GALNTL6: variants seen among roughly 807,000 people sequenced by gnomAD.
The protein encoded by GALNTL6 is polypeptide N-acetylgalactosaminyltransferase-like 6.
A neutral mutation model predicts 73.7 loss-of-function variants in GALNTL6; 46 were observed. The ratio of observed to expected loss-of-function variants is 0.62; its 90% CI spans 0.49 to 0.80. The LOEUF (loss-of-function observed/expected upper bound fraction) is 0.80. GALNTL6 is among the 30% of genes least tolerant of loss of function. The pLI is 0.00. For missense variants in GALNTL6, 604 were observed against 755.0 expected (o/e 0.80, Z 2.34); for synonymous variants, 259 against 263.7 (o/e 0.98, Z 0.17).
intron 5 of GALNTL6, among the ~76,000 whole-genome samples, chr4:172,642,659 A>G (rs929370515): frequency 1.3e-5 from 2 of 151,950 alleles, no homozygotes; most frequent in Non-Finnish European, 2.9e-5. Context: ...ATGGTCACTA[A>G]AGTTAATAAC....
rs576020587 is a variant in GALNTL6 at position 172,978,530 on chromosome 4, G to A, written c.1371+26272G>A. 4.0e-4 allele frequency among the ~76,000 whole-genome samples: 61 copies of A among 152,276 alleles called. 1 individual carries two copies. Among genetic ancestry groups the A allele is most frequent in the African/African-American group, 1.4e-3 (58 of 41,554 alleles). On this transcript the variant is annotated intron_variant, in intron 10 of 12. Coordinates refer to ENST00000506823, the MANE Select transcript of GALNTL6 (RefSeq NM_001034845.3). ...GACTGCAACAGAGTTGAAATGCGTT[G>A]TTCTTCAGTAGTCTCAGCCTGTGCA...
intron 5 of GALNTL6, among the ~76,000 whole-genome samples, chr4:172,556,680 A>G (rs546447779): frequency 1.3e-5 from 2 of 151,966 alleles, no homozygotes; most frequent in East Asian, 3.9e-4. Context: ...TGTTTTCTGC[A>G]TTATAGAAAC....
intron 2 of GALNTL6, among the ~76,000 whole-genome samples, chr4:171,946,542 C>T (rs1456291176): frequency 1.3e-5 from 2 of 152,188 alleles, no homozygotes; most frequent in African/African-American, 2.4e-5. Flanking sequence ...GCACAGTAGG[C>T]ATTCAGTAAG....
At chr4:171,983,667 TAA>T (rs1739983013) in intron 2 of GALNTL6, among the ~76,000 whole-genome samples, 1 of 152,000 alleles carries the variant, frequency 6.6e-6, no homozygotes, top group African/African-American at 2.4e-5. Flanking sequence ...TTGAAATTCT[TAA>T]TAATGCTCTC....
At chr4:173,009,110 T>C (rs1258791892) in intron 10 of GALNTL6, 68 bp from the exon 11 acceptor site, 3 of 997,258 alleles carry the variant, frequency 3.0e-6, no homozygotes, top group Non-Finnish European at 4.8e-6. Flanking sequence ...ATCTACACCA[T>C]GGTTGTTAGG....
intron 5 of GALNTL6, among the ~76,000 whole-genome samples, chr4:172,517,486 G>T (rs1431707797): frequency 6.6e-6 from 1 of 152,060 alleles, no homozygotes; most frequent in Admixed American, 6.6e-5. Context: ...ATTAAAACGT[G>T]GAGTAGCTGG....
chr4:172,298,739 C>G (rs1739783896), intron 3 of GALNTL6, among the ~76,000 whole-genome samples: 2 of 152,226 alleles, frequency 1.3e-5, no homozygotes, highest in South Asian at 4.2e-4. Context: ...GGTGGATAAG[C>G]TTTTTGATGT....
intron 2 of GALNTL6, among the ~76,000 whole-genome samples, chr4:172,176,261 A>G (rs1044505045): frequency 7.3e-6 from 1 of 136,664 alleles, no homozygotes; most frequent in East Asian, 2.7e-4. Flanking sequence ...AATGGCGTGA[A>G]CCTGCGAGGC....
intron 2 of GALNTL6, among the ~76,000 whole-genome samples, chr4:171,904,613 G>A (rs1381726016): frequency 2.6e-5 from 4 of 152,096 alleles, no homozygotes; most frequent in Admixed American, 2.6e-4. Flanking sequence ...AGCAAGGCAG[G>A]CCAACATTCA....
chr4:172,207,673 G>A (rs997900364), intron 2 of GALNTL6, among the ~76,000 whole-genome samples: 1 of 152,100 alleles, frequency 6.6e-6, no homozygotes, highest in Non-Finnish European at 1.5e-5. Context: ...TAAACGCTTG[G>A]TTCTCTCTGT....
chr4:172,411,348 C>T (rs1208689038), intron 5 of GALNTL6, among the ~76,000 whole-genome samples: 1 of 151,968 alleles, frequency 6.6e-6, no homozygotes, highest in South Asian at 2.1e-4. Flanking sequence ...GCCACTAATG[C>T]AGAGTTTGAG....
intron 5 of GALNTL6, among the ~76,000 whole-genome samples, chr4:172,387,134 C>G (rs973759388): frequency 1.3e-5 from 2 of 152,130 alleles, no homozygotes; most frequent in East Asian, 3.9e-4. Flanking sequence ...CCCAAAGGGC[C>G]CACCTCCAAA....
chr4:171,962,470 G>A (rs551027514), intron 2 of GALNTL6, among the ~76,000 whole-genome samples: 46 of 152,142 alleles, frequency 3.0e-4, no homozygotes, highest in South Asian at 2.5e-3. Context: ...ACTCATTATC[G>A]ACTAATTATA....
intron 2 of GALNTL6, among the ~76,000 whole-genome samples, chr4:171,956,009 T>TG (rs10690799): frequency 1.4e-5 from 2 of 144,096 alleles, no homozygotes; most frequent in African/African-American, 2.5e-5. Context: ...TGTGTGTGTG[T>TG]GTGTGGGACA....
Position 172,809,206 on chromosome 4 carries a change from A to G in GALNTL6, c.554-155A>G, listed in dbSNP as rs962501547. On this transcript the variant is annotated intron_variant, in intron 5 of 12. Transcript: ENST00000506823. The surrounding 1 kb of genome is among the most constrained non-coding windows in gnomAD (Gnocchi z 4.4). The stretch of plus-strand genomic sequence containing the variant: ...AAGCATTCTGGAAAGTGTAAAATCT[A>G]AAAATCTTACTAGTATCTCCCATCT... Among the ~76,000 whole-genome samples the G allele has an allele frequency of 2.0e-5, 3 of 152,244 alleles. No homozygotes were observed. Among genetic ancestry groups the G allele is most frequent in the Non-Finnish European group, 4.4e-5 (3 of 68,042 alleles).
chr4:172,807,986 C>G (rs1741067774), intron 5 of GALNTL6, among the ~76,000 whole-genome samples: 1 of 152,094 alleles, frequency 6.6e-6, no homozygotes, highest in Non-Finnish European at 1.5e-5. Flanking sequence ...CCACGCCTAG[C>G]TAATTTTTGT....
intron 9 of GALNTL6, among the ~76,000 whole-genome samples, chr4:172,945,231 G>GA (rs1362616548): frequency 1.3e-5 from 2 of 152,048 alleles, no homozygotes; most frequent in African/African-American, 4.8e-5. Context: ...AAACTATAGT[G>GA]AAAAAAAGTA....
At chr4:172,961,224 G>A (rs190600452) in intron 10 of GALNTL6, among the ~76,000 whole-genome samples, 7 of 141,016 alleles carry the variant, frequency 5.0e-5, no homozygotes, top group African/African-American at 8.0e-5. Flanking sequence ...GTAGAGACAC[G>A]GGGAGAAGGG....
At position 171,814,710 on chromosome 4, in the gene GALNTL6, G is replaced by T; in HGVS notation, c.130G>T (p.Glu44Ter). ...KHLVKSAEPG[E>*]QQTFPLGLGD... ...CCTGGTGAAGTCAGCGGAGCCCGGG[G>T]AGCAGCAGGTAAGTGCCACCCAGAG... The change falls in exon 2 of 13, where the codon GAG becomes TAG. Residue 44 changes from glutamate to a stop codon, truncating the protein, a stop_gained. Coordinates refer to ENST00000506823, the MANE Select transcript of GALNTL6 (RefSeq NM_001034845.3). LOFTEE classifies it high-confidence loss of function. 6.2e-7 allele frequency: 1 copy of T among 1,613,902 alleles called. No individual in the cohort carries two copies. Among genetic ancestry groups the T allele is most frequent in the Non-Finnish European group, 8.5e-7 (1 of 1,180,034 alleles).
Sources: gnomAD v4.1 joint callset for allele counts (sites outside exome capture counted in the v4.1 genomes callset) on GRCh38, gnomAD v4.1.1 for gene constraint, Gnocchi (gnomAD v3.1) non-coding constraint, MANE v1.5 for transcripts, NCBI Gene and HGNC (gene_info 2026-07-23, HGNC 2026-07-21) for gene names.